The following HPSE2 variants were observed in gnomAD, a reference collection of about 807,000 sequenced individuals.
HPSE2 encodes the protein inactive heparanase-2.
Under a neutral mutation model 60.5 loss-of-function variants are expected in HPSE2, and 38 were observed. The ratio of observed to expected loss-of-function variants is 0.63; its 90% CI spans 0.48 to 0.82. HPSE2 has a LOEUF of 0.82. Among genes scored for constraint, HPSE2 ranks in the 40% least tolerant of loss-of-function variants. The pLI is 0.00. For missense variants in HPSE2, 713 were observed against 740.4 expected (o/e 0.96, Z 0.43); for synonymous variants, 295 against 293.2 (o/e 1.01, Z -0.06).
chr10:99,038,781 CCTGTATATTG>C (rs1241312248), intron 3 of HPSE2, among the ~76,000 whole-genome samples: 31 of 152,204 alleles, frequency 2.0e-4, no homozygotes, highest in South Asian at 2.1e-4. Flanking sequence ...TTTGCAACTT[CCTGTATATTG>C]CTTATCACTA....
intron 3 of HPSE2, among the ~76,000 whole-genome samples, chr10:98,749,770 T>A (rs914029720): frequency 1.3e-5 from 2 of 150,906 alleles, no homozygotes; most frequent in Non-Finnish European, 3.0e-5. Context: ...GCATTTAAGG[T>A]AGGCCCGGCT....
intron 9 of HPSE2, among the ~76,000 whole-genome samples, chr10:98,543,289 G>C (rs1371366316): frequency 6.6e-6 from 1 of 152,042 alleles, no homozygotes; most frequent in Non-Finnish European, 1.5e-5. Context: ...GAGAGAGTTT[G>C]TCACCACCAG....
chr10:98,684,267 A>G (rs1415280909), intron 6 of HPSE2, among the ~76,000 whole-genome samples: 2 of 152,244 alleles, frequency 1.3e-5, no homozygotes, highest in East Asian at 3.9e-4. Flanking sequence ...ATGGGAACAG[A>G]AGGAGGGATG....
In HPSE2 at chr10:98,630,338, C is replaced by T. The variant is rs188684873; in HGVS notation, c.1099-9630G>A. On this transcript the variant is annotated intron_variant, in intron 7 of 11. Transcript: ENST00000370552. The stretch of plus-strand genomic sequence containing the variant: ...TCAGCCTCCCCAGTAGCTGGGACTA[C>T]AGGCGCCCGCCACCACGCCCAACTA... Among the ~76,000 whole-genome samples, 905 of 152,180 alleles carry T rather than the reference C, an allele frequency of 5.9e-3. 8 individuals carry two copies. The highest frequency in any genetic ancestry group is 0.02 in the African/African-American group (850 of 41,534).
intron 9 of HPSE2, among the ~76,000 whole-genome samples, chr10:98,548,616 C>CA (rs71007398): frequency 3.0e-4 from 42 of 140,078 alleles, no homozygotes; most frequent in African/African-American, 1.1e-3. Context: ...GACTCCATCT[C>CA]AAAAAAAAAA....
chr10:99,094,024 T>G (rs1271557526), intron 3 of HPSE2, among the ~76,000 whole-genome samples: 1 of 152,182 alleles, frequency 6.6e-6, no homozygotes, highest in Non-Finnish European at 1.5e-5. Context: ...TATTGATAAT[T>G]ATCTGTGACT....
intron 9 of HPSE2, among the ~76,000 whole-genome samples, chr10:98,542,128 A>G (rs1359967824): frequency 6.6e-6 from 1 of 152,014 alleles, no homozygotes; most frequent in South Asian, 2.1e-4. Flanking sequence ...TCTGAGACAA[A>G]ACTTCCAGAG....
intron 6 of HPSE2, among the ~76,000 whole-genome samples, chr10:98,666,987 G>A (rs1256523209): frequency 6.6e-6 from 1 of 151,580 alleles, no homozygotes; most frequent in Admixed American, 6.6e-5. Flanking sequence ...CCAAGAGTTG[G>A]TTCTTCAAAG....
Position 98,611,708 on chromosome 10 carries a change from A to G in HPSE2, c.1320+3196T>C, listed in dbSNP as rs139475147. On this transcript the variant is annotated intron_variant, in intron 9 of 11. Coordinates refer to ENST00000370552, the MANE Select transcript of HPSE2 (RefSeq NM_021828.5). ...TGTAAATTCCTTCCAGGGGAGACTT[A>G]GGACACACTCTCCCAGCTGCCAAGT... is the stretch of plus-strand genomic sequence containing the variant. Among the ~76,000 whole-genome samples, 382 of 152,310 alleles carry G rather than the reference A, an allele frequency of 2.5e-3. 5 individuals are homozygous for G. The highest frequency in any genetic ancestry group is 1.2e-3 in the Non-Finnish European group (80 of 68,042).
chr10:99,303,303 T>C, the HPSE2 span, among the ~76,000 whole-genome samples: 1 of 152,136 alleles, frequency 6.6e-6, no homozygotes, highest in African/African-American at 2.4e-5. Context: ...ACTTAGTCCA[T>C]TTGAATTCAC....
chr10:99,030,010 G>A (rs1277961454), intron 3 of HPSE2, among the ~76,000 whole-genome samples: 1 of 152,190 alleles, frequency 6.6e-6, no homozygotes, highest in Non-Finnish European at 1.5e-5. Context: ...AGCCCTTCTG[G>A]TGGCCCTGTC....
chr10:99,306,414 C>T, the HPSE2 span, among the ~76,000 whole-genome samples: 1 of 152,286 alleles, frequency 6.6e-6, no homozygotes, highest in South Asian at 2.1e-4. Context: ...CACCCTCTAT[C>T]CACAATAAAA....
intron 3 of HPSE2, among the ~76,000 whole-genome samples, chr10:98,926,076 T>G (rs1334934905): frequency 1.3e-5 from 2 of 152,112 alleles, no homozygotes; most frequent in African/African-American, 2.4e-5. Flanking sequence ...GAAGTAGGTG[T>G]CATTGCCTTT....
chr10:98,997,198 C>T (rs1334059468), intron 3 of HPSE2, among the ~76,000 whole-genome samples: 1 of 148,822 alleles, frequency 6.7e-6, no homozygotes, highest in Non-Finnish European at 1.5e-5. Context: ...CTGCAACCTC[C>T]GCCTCCCGGG....
intron 2 of HPSE2, 82 bp downstream of exon 2, chr10:99,232,252 CACACGAACACACAG>C (rs1849677372): frequency 2.9e-6 from 4 of 1,380,192 alleles, no homozygotes; most frequent in East Asian, 2.5e-5. Context: ...CACACACACA[CACACGAACACACAG>C]ACACACGAAC....
At chr10:98,782,931 T>A (rs1265460339) in intron 3 of HPSE2, among the ~76,000 whole-genome samples, 5 of 80,724 alleles carry the variant, frequency 6.2e-5, no homozygotes, top group Admixed American at 1.2e-4. Flanking sequence ...TTTTTATTTT[T>A]TTTTTTAATG....
intron 10 of HPSE2, among the ~76,000 whole-genome samples, chr10:98,485,480 T>C (rs1334254792): frequency 6.6e-6 from 1 of 152,196 alleles, no homozygotes; most frequent in African/African-American, 2.4e-5. Context: ...TCCTGCAACA[T>C]GTGAACTAGC....
chr10:98,855,725 A>AAGGCTGAACCTGAACAACAT (rs1374556482), intron 3 of HPSE2, among the ~76,000 whole-genome samples: 1 of 152,102 alleles, frequency 6.6e-6, no homozygotes, highest in African/African-American at 2.4e-5. Context: ...ATCTAAGACT[A>AAGGCTGAACCTGAACAACAT]AGGCTGAACC....
At chr10:99,311,056 T>C in the HPSE2 span, among the ~76,000 whole-genome samples, 1 of 152,250 alleles carries the variant, frequency 6.6e-6, no homozygotes, top group Non-Finnish European at 1.5e-5. Context: ...TTTGGAGATC[T>C]ATCAATCATC....
Sources: gnomAD v4.1 joint callset for allele counts (sites outside exome capture counted in the v4.1 genomes callset) on GRCh38, gnomAD v4.1.1 for gene constraint, MANE v1.5 for transcripts, NCBI Gene and HGNC (gene_info 2026-07-23, HGNC 2026-07-21) for gene names.